ROBO2: variants seen among roughly 807,000 people sequenced by gnomAD.
ROBO2 encodes roundabout homolog 2.
Under a neutral mutation model 160.8 loss-of-function variants are expected in ROBO2, and 53 were observed. The observed-to-expected ratio is 0.33, with a 90% CI of 0.26 to 0.41. The LOEUF (loss-of-function observed/expected upper bound fraction) is 0.41, where lower values mean the gene tolerates loss of function less well. ROBO2 is among the 10% of genes least tolerant of loss of function. ROBO2 has a pLI of 1.00. For missense variants in ROBO2, 1,577 were observed against 1,722.4 expected (o/e 0.92, Z 1.49); for synonymous variants, 664 against 611.7 (o/e 1.09, Z -1.26).
chr3:77,044,028 T>C (rs2064367072), intron 1 of ROBO2, among the ~76,000 whole-genome samples: 1 of 152,104 alleles, frequency 6.6e-6, no homozygotes, highest in Non-Finnish European at 1.5e-5. Flanking sequence ...AAATTATATA[T>C]AAGTAACCTG....
intron 2 of ROBO2, among the ~76,000 whole-genome samples, chr3:76,223,831 T>C (rs1704126788): frequency 6.6e-6 from 1 of 152,222 alleles, no homozygotes; most frequent in Non-Finnish European, 1.5e-5. Flanking sequence ...CCAGTGACAT[T>C]AGGAGCAACC....
At chr3:76,464,679 A>G (rs1344561168) in intron 2 of ROBO2, among the ~76,000 whole-genome samples, 2 of 152,126 alleles carry the variant, frequency 1.3e-5, no homozygotes, top group East Asian at 1.9e-4. Context: ...ACCAAAATAT[A>G]AAAAACTAAT....
intron 2 of ROBO2, among the ~76,000 whole-genome samples, chr3:76,492,459 C>A (rs1447118141): frequency 6.6e-6 from 1 of 151,968 alleles, no homozygotes. Context: ...TGAAGGTCAT[C>A]CTTCACTTCC....
intron 2 of ROBO2, among the ~76,000 whole-genome samples, chr3:76,165,311 C>T (rs1190756185): frequency 6.6e-6 from 1 of 151,500 alleles, no homozygotes; most frequent in African/African-American, 2.4e-5. Flanking sequence ...GGCTTCTTTC[C>T]TTCAACCTCA....
At chr3:75,940,388 G>A (rs79686274) in intron 2 of ROBO2, among the ~76,000 whole-genome samples, 2 of 152,120 alleles carry the variant, frequency 1.3e-5, no homozygotes, top group Admixed American at 6.6e-5. Flanking sequence ...AAGAGAAAAG[G>A]GATGAATGGT....
rs140977636 is a variant in ROBO2 at position 77,517,599 on chromosome 3, G to C, written c.807-5176G>C. Reference sequence around the variant, plus strand: ...GAAACCCTTACATAAAATAACTGCTGTTACAGTCGTCCCTTCTGATTTGCA... The same window carrying C: ...GAAACCCTTACATAAAATAACTGCTCTTACAGTCGTCCCTTCTGATTTGCA... On this transcript the variant is annotated intron_variant, in intron 5 of 25. Coordinates refer to ENST00000461745, the Ensembl canonical transcript of ROBO2. Among the ~76,000 whole-genome samples, 569 of 151,578 alleles carry C rather than the reference G, an allele frequency of 3.8e-3. 5 individuals are homozygous for C. The highest frequency in any genetic ancestry group is 0.018 in the Admixed American group (278 of 15,150).
At chr3:77,017,260 C>A (rs1419720096) in intron 2 of ROBO2, among the ~76,000 whole-genome samples, 1 of 152,064 alleles carries the variant, frequency 6.6e-6, no homozygotes, top group East Asian at 1.9e-4. Flanking sequence ...GGGTCTGTGA[C>A]CTTTCGTCTT....
chr3:77,433,380 G>A (rs2078971719), intron 2 of ROBO2, among the ~76,000 whole-genome samples: 1 of 150,564 alleles, frequency 6.6e-6, no homozygotes. Context: ...TCTATGTTAT[G>A]CTGTCAGTAT....
At chr3:77,318,414 A>T (rs1281840157) in intron 2 of ROBO2, among the ~76,000 whole-genome samples, 1 of 152,264 alleles carries the variant, frequency 6.6e-6, no homozygotes, top group African/African-American at 2.4e-5. Context: ...AAGAATATAG[A>T]TAATGCATTA....
intron 15 of ROBO2, 39 bp downstream of exon 16, chr3:77,577,653 G>T (rs376483384): frequency 1.1e-4 from 175 of 1,611,386 alleles, no homozygotes; most frequent in Non-Finnish European, 9.4e-5. Context: ...TCATGTAAAG[G>T]TTCCCAGAGA....
At chr3:77,640,173 G>A (rs1243223251) in intron 24 of ROBO2, among the ~76,000 whole-genome samples, 2 of 134,310 alleles carry the variant, frequency 1.5e-5, no homozygotes, top group Non-Finnish European at 3.0e-5. Flanking sequence ...GTACAGTGGG[G>A]CGATCTCGGC....
chr3:77,493,248 A>C (rs2086360322), exon 5 of ROBO2: 2 of 1,613,730 alleles, frequency 1.2e-6, no homozygotes, highest in Admixed American at 1.7e-5. Flanking sequence ...TTCAAGAACG[A>C]CCCACATTTC....
exon 22 of ROBO2, chr3:77,617,743 C>G (rs763308048): frequency 6.2e-7 from 1 of 1,613,716 alleles, no homozygotes; most frequent in Middle Eastern, 1.7e-4. Flanking sequence ...TTGACAAGAG[C>G]CTATCAGTTT....
intron 2 of ROBO2, among the ~76,000 whole-genome samples, chr3:77,186,000 T>A (rs2081250286): frequency 6.6e-6 from 1 of 151,844 alleles, no homozygotes; most frequent in Non-Finnish European, 1.5e-5. Flanking sequence ...GGCATAAGAA[T>A]GACACAATGG....
rs181700473 is a variant in ROBO2 at position 77,233,985 on chromosome 3, A to G, written c.388+135645A>G. Among the ~76,000 whole-genome samples the G allele has an allele frequency of 3.1e-4, 47 of 152,324 alleles. No homozygotes were observed. In the East Asian group the frequency reaches 8.9e-3, roughly 29 times the overall value. Reference sequence around the variant, plus strand: ...AAAATAAAAACCTTGGGATTTATAAATATTCCTGAAGAAATTCCTTGTATT... The same window carrying G: ...AAAATAAAAACCTTGGGATTTATAAGTATTCCTGAAGAAATTCCTTGTATT... On this transcript the variant is annotated intron_variant, in intron 2 of 25. Transcript: ENST00000461745.
intron 2 of ROBO2, among the ~76,000 whole-genome samples, chr3:77,245,471 A>G (rs1027152309): frequency 6.6e-6 from 1 of 152,214 alleles, no homozygotes; most frequent in Non-Finnish European, 1.5e-5. Flanking sequence ...TTCTCATGAT[A>G]GATTCTGGTA....
At chr3:76,052,331 T>C (rs746621850) in intron 2 of ROBO2, among the ~76,000 whole-genome samples, 2 of 152,078 alleles carry the variant, frequency 1.3e-5, no homozygotes, top group Non-Finnish European at 2.9e-5. Context: ...TAGGACTCAC[T>C]CATGCACACA....
At chr3:76,757,050 T>C (rs2108315346) in intron 2 of ROBO2, among the ~76,000 whole-genome samples, 1 of 151,978 alleles carries the variant, frequency 6.6e-6, no homozygotes, top group South Asian at 2.1e-4. Context: ...ATTCTTTATA[T>C]TTTTATAGTG....
chr3:77,637,007 C>T (rs1179142766), intron 24 of ROBO2, among the ~76,000 whole-genome samples: 2 of 152,160 alleles, frequency 1.3e-5, no homozygotes, highest in East Asian at 3.9e-4. Flanking sequence ...TCCTTTTCAG[C>T]ACTGTACCCT....
Sources: gnomAD v4.1 joint callset for allele counts (sites outside exome capture counted in the v4.1 genomes callset) on GRCh38, gnomAD v4.1.1 for gene constraint, MANE v1.5 for transcripts, NCBI Gene and HGNC (gene_info 2026-07-23, HGNC 2026-07-21) for gene names.